The following FCN1 variants were observed in gnomAD, a reference collection of about 807,000 sequenced individuals.
FCN1 encodes the protein ficolin 1, also known as ficolin-1.
FCN1 carries 42 observed loss-of-function variants against 35.6 expected under a neutral mutation model. The observed-to-expected ratio is 1.18, with a 90% CI of 0.92 to 1.53. The LOEUF (loss-of-function observed/expected upper bound fraction) is 1.53, where lower values mean the gene tolerates loss of function less well. Ranked by LOEUF, FCN1 falls within the 40% of genes most tolerant of loss-of-function variation. The pLI is 0.00. For missense variants in FCN1, 439 were observed against 428.4 expected (o/e 1.02, Z -0.22); for synonymous variants, 179 against 169.8 (o/e 1.05, Z -0.42).
At chr9:134,910,756 C>A (rs1047947966) in intron 8 of FCN1, among the ~76,000 whole-genome samples, 3 of 152,216 alleles carry the variant, frequency 2.0e-5, no homozygotes, top group African/African-American at 7.2e-5. Context: ...AAATGCCTCC[C>A]CAGATCGTGT....
At position 134,917,776 on chromosome 9, in the gene FCN1, T is replaced by C. The variant is rs1240092226; in HGVS notation, c.96A>G (p.Thr32=). 1.2e-6 allele frequency: 2 copies of C among 1,612,116 alleles called. No individual in the cohort carries two copies. Among genetic ancestry groups the C allele is most frequent in the Non-Finnish European group, 1.7e-6 (2 of 1,178,212 alleles). ...AACCCAGGTCTGTCTCACCTGGACATGTGTCCGCAGCCTGGGCAGGCAGGT... is the reference window on the plus strand; with the variant it reads ...AACCCAGGTCTGTCTCACCTGGACACGTGTCCGCAGCCTGGGCAGGCAGGT... ...IKNLPAQAAD[T]CPEVKVVGLE... The change falls in exon 1 of 9, where the codon ACA becomes ACG. Residue 32 remains threonine, a synonymous_variant. Coordinates refer to ENST00000371806, the MANE Select transcript of FCN1 (RefSeq NM_002003.5).
intron 5 of FCN1, 37 bp from the exon 6 acceptor site, chr9:134,913,180 G>T: frequency 6.2e-7 from 1 of 1,610,892 alleles, no homozygotes; most frequent in Non-Finnish European, 8.5e-7. Flanking sequence ...GCAGGACGGG[G>T]GCCCTGGGCA....
At chr9:134,911,111 C>T (rs1831017079) in intron 8 of FCN1, 22 bp downstream of exon 8, 2 of 1,613,468 alleles carry the variant, frequency 1.2e-6, no homozygotes, top group South Asian at 1.1e-5. Context: ...ACTCAGGCCA[C>T]CAGCCCCAAG....
rs60868478 is a variant in FCN1 at position 134,909,437 on chromosome 9, C to T, written c.*361G>A. On this transcript the variant is annotated 3_prime_UTR_variant, in exon 9 of 9. Transcript: ENST00000371806. Reference sequence around the variant, plus strand: ...AATCCTCGCAAAAGTCACTCAACCTCCCTGAACATCGGTAGTGCCATCTGC... The same window carrying T: ...AATCCTCGCAAAAGTCACTCAACCTTCCTGAACATCGGTAGTGCCATCTGC... 0.014 allele frequency: 17,836 copies of T among 1,292,176 alleles called. 1,864 individuals are homozygous for T. In the African/African-American group the frequency reaches 0.23, roughly 17 times the overall value. 80.0% of individuals were successfully genotyped at this position (1,292,176 alleles called of 1,614,324 possible). A position where few individuals can be genotyped will look rare whatever the true frequency, so the allele number is the denominator to read the frequency against.
At chr9:134,914,286 ACAGGGACGTGGGCGGTGGG>A in intron 4 of FCN1, 80 bp downstream of exon 4, 1 of 1,061,026 alleles carries the variant, frequency 9.4e-7, no homozygotes, top group South Asian at 1.3e-5. Flanking sequence ...GCCTGGATTG[ACAGGGACGTGGGCGGTGGG>A]CAGGCGGACT....
chr9:134,913,368 C>T (rs1831050818), intron 5 of FCN1, among the ~76,000 whole-genome samples: 1 of 152,198 alleles, frequency 6.6e-6, no homozygotes, highest in Non-Finnish European at 1.5e-5. Context: ...ACCTTTGCCT[C>T]CTGGGCACCC....
At chr9:134,913,300 C>A (rs139427155) in intron 5 of FCN1, among the ~76,000 whole-genome samples, 157 bp from the exon 6 acceptor site, 1 of 152,172 alleles carries the variant, frequency 6.6e-6, no homozygotes, top group Non-Finnish European at 1.5e-5. Flanking sequence ...CCCAGGGCCA[C>A]GCAGCTGTGA....
rs199652976 is a variant in FCN1, at chr9:134,913,066, G to A, written c.418C>T (p.Arg140Trp). The change falls in exon 6 of 9, where the codon CGG becomes TGG. Residue 140 changes from arginine to tryptophan, a missense_variant. Physicochemically the swap from Arg to Trp is moderately radical, Grantham distance 101 (BLOSUM62 -3). Coordinates refer to ENST00000371806, the MANE Select transcript of FCN1 (RefSeq NM_002003.5). ...ATGTCACAGAGCACAGTCAGGGGCCGGCAGTCGGGCAGGTAGATGGTGTGC... is the reference window on the plus strand; with the variant it reads ...ATGTCACAGAGCACAGTCAGGGGCCAGCAGTCGGGCAGGTAGATGGTGTGC... ...GWHTIYLPDC[R>W]PLTVLCDMDT... The A allele has an allele frequency of 1.9e-5, 30 of 1,613,366 alleles. No individual in the cohort carries two copies. Among genetic ancestry groups the A allele is most frequent in the South Asian group, 1.3e-4 (12 of 90,942 alleles).
rs1830912560 is a variant in FCN1 at position 134,903,879 on chromosome 9, A to G, written c.*5919T>C. Among the ~76,000 whole-genome samples, 1 of 152,176 alleles carries G rather than the reference A, an allele frequency of 6.6e-6. No individual in the cohort carries two copies. Among genetic ancestry groups the G allele is most frequent in the African/African-American group, 2.4e-5 (1 of 41,450 alleles). ...ATTCTATAACTGAAATTAATAACTC[A>G]ATCAATGGTTTTCTATTTATAAGCA... On this transcript the variant is annotated 3_prime_UTR_variant, in exon 9 of 9. Coordinates refer to ENST00000371806, the MANE Select transcript of FCN1 (RefSeq NM_002003.5).
chr9:134,913,238 AG>A (rs1349728605), intron 5 of FCN1, 95 bp from the exon 6 acceptor site: 2 of 1,519,670 alleles, frequency 1.3e-6, no homozygotes, highest in Admixed American at 3.7e-5. Context: ...GGAGGGCCAC[AG>A]GCTTCTGTGC....
Position 134,907,640 on chromosome 9 carries a change from G to A in FCN1, c.*2158C>T, listed in dbSNP as rs1282679525. On this transcript the variant is annotated 3_prime_UTR_variant, in exon 9 of 9. Coordinates refer to ENST00000371806, the MANE Select transcript of FCN1 (RefSeq NM_002003.5). The stretch of plus-strand genomic sequence containing the variant: ...CTGTATACATTTACCACCTAAATAT[G>A]CATCCAAAATACCATTGGCTACTTT... The A allele has an allele frequency of 2.6e-5, 4 of 152,086 alleles. No individual in the cohort carries two copies. The highest frequency in any genetic ancestry group is 9.7e-5 in the African/African-American group (4 of 41,386). The allele number at this position is 152,086 out of a possible 1,614,324, so 9.4% of individuals were successfully genotyped here. A position where few individuals can be genotyped will look rare whatever the true frequency, so the allele number is the denominator to read the frequency against.
Position 134,917,900 on chromosome 9 carries a change from C to A in FCN1, c.-29G>T. The A allele has an allele frequency of 6.6e-7, 1 of 1,508,036 alleles. No individual in the cohort carries two copies. Among genetic ancestry groups the A allele is most frequent in the South Asian group, 1.1e-5 (1 of 89,100 alleles). 93.4% of individuals were successfully genotyped at this position (1,508,036 alleles called of 1,614,324 possible). On this transcript the variant is annotated 5_prime_UTR_variant, in exon 1 of 9. Transcript: ENST00000371806. ...CTCTGGCCTTTGACTCTGAAGAGTC[C>A]CCCAGCTCTAACAGGGCAGAGGAAA... is the stretch of plus-strand genomic sequence containing the variant.
Position 134,905,841 on chromosome 9 carries a change from T to TTCTC in FCN1, c.*3956_*3957insGAGA, listed in dbSNP as rs1220856005. ...TTCTTCTTCTTCCTCTTCCTCTTCC[T>TTCTC]CTTCCTCTTCCTCTTCCTCTTCCTC... On this transcript the variant is annotated 3_prime_UTR_variant, in exon 9 of 9. Transcript: ENST00000371806. 5 of 30,138 alleles carry TTCTC rather than the reference T, an allele frequency of 1.7e-4. No homozygotes were observed. The highest frequency in any genetic ancestry group is 1.4e-3 in the African/African-American group (4 of 2,760). 1.9% of individuals were successfully genotyped at this position (30,138 alleles called of 1,614,324 possible).
rs767836384 is a variant in FCN1, at chr9:134,909,419, G to T, written c.*379C>A. The T allele has an allele frequency of 1.6e-6, 2 of 1,289,306 alleles. No individual in the cohort carries two copies. Among genetic ancestry groups the T allele is most frequent in the South Asian group, 1.2e-5 (1 of 80,952 alleles). The allele number at this position is 1,289,306 out of a possible 1,614,324, so 79.9% of individuals were successfully genotyped here. On this transcript the variant is annotated 3_prime_UTR_variant, in exon 9 of 9. Transcript: ENST00000371806. ...CAATTACTGGAGGTGGAAAATCCTC[G>T]CAAAAGTCACTCAACCTCCCTGAAC...
chr9:134,914,331 C>A, intron 4 of FCN1, 54 bp downstream of exon 4: 3 of 1,550,490 alleles, frequency 1.9e-6, no homozygotes, highest in Non-Finnish European at 2.7e-6. Flanking sequence ...CTCTGAGACC[C>A]CTCCCCTGGA....
intron 1 of FCN1, among the ~76,000 whole-genome samples, chr9:134,916,988 G>A (rs1399594750): frequency 1.3e-5 from 2 of 152,190 alleles, no homozygotes; most frequent in Admixed American, 1.3e-4. Flanking sequence ...GCCAGGTGTG[G>A]CACAGCTGCA....
Position 134,904,342 on chromosome 9 carries a change from C to T in FCN1, c.*5456G>A, listed in dbSNP as rs992641965. Among the ~76,000 whole-genome samples the T allele has an allele frequency of 6.6e-6, 1 of 152,186 alleles. No homozygotes were observed. The highest frequency in any genetic ancestry group is 2.4e-5 in the African/African-American group (1 of 41,440). Reference sequence around the variant, plus strand: ...AATAACTGAATCTGAAAATACTGGACATCTGTATTTACAGTGCTAAAAGAA... The same window carrying T: ...AATAACTGAATCTGAAAATACTGGATATCTGTATTTACAGTGCTAAAAGAA... On this transcript the variant is annotated 3_prime_UTR_variant, in exon 9 of 9. Coordinates refer to ENST00000371806, the MANE Select transcript of FCN1 (RefSeq NM_002003.5).
At chr9:134,917,721 G>A in intron 1 of FCN1, 48 bp downstream of exon 1, 2 of 1,226,216 alleles carry the variant, frequency 1.6e-6, no homozygotes, top group Non-Finnish European at 2.4e-6. Context: ...GTCAGTGAGT[G>A]GGGTTGTTAC....
At position 134,905,651 on chromosome 9, in the gene FCN1, T is replaced by A. The variant is rs1236495065; in HGVS notation, c.*4147A>T. On this transcript the variant is annotated 3_prime_UTR_variant, in exon 9 of 9. Transcript: ENST00000371806. Reference sequence around the variant, plus strand: ...GGCATCCCCCACCATGAACGGCTAATTTTTTTGTATTTTTAGTAGAGACGG... The same window carrying A: ...GGCATCCCCCACCATGAACGGCTAAATTTTTTGTATTTTTAGTAGAGACGG... Among the ~76,000 whole-genome samples, 2 of 151,494 alleles carry A rather than the reference T, an allele frequency of 1.3e-5. No individual in the cohort carries two copies. The highest frequency in any genetic ancestry group is 6.6e-5 in the Admixed American group (1 of 15,248).
Sources: allele counts gnomAD v4.1 joint callset (sites outside exome capture counted in the v4.1 genomes callset), GRCh38; gene constraint gnomAD v4.1.1; transcripts MANE v1.5; gene names NCBI Gene and HGNC (gene_info 2026-07-23, HGNC 2026-07-21).